Variants in CLASP1 observed in about 807,000 individuals in gnomAD.
CLASP1 encodes cytoplasmic linker associated protein 1.
Under a neutral mutation model 192.3 loss-of-function variants are expected in CLASP1, and 38 were observed. The ratio of observed to expected loss-of-function variants is 0.20; its 90% CI spans 0.15 to 0.26. CLASP1 has a LOEUF of 0.26. Ranked by LOEUF, CLASP1 falls within the 10% of genes least tolerant of loss-of-function variation. The probability of loss-of-function intolerance (pLI) is 1.00; values close to 1 mark genes in which losing one functional copy is unlikely to be tolerated. For missense variants in CLASP1, 1,433 were observed against 1,932.5 expected, an observed-to-expected ratio of 0.74 and a Z score of 4.85; for synonymous variants, 691 against 712.8, an observed-to-expected ratio of 0.97 and a Z score of 0.49.
intron 17 of CLASP1, among the ~76,000 whole-genome samples, chr2:121,448,660 C>G (rs2084840491): frequency 6.6e-6 from 1 of 152,202 alleles, no homozygotes; most frequent in Non-Finnish European, 1.5e-5. Flanking sequence ...TGAGAAGACT[C>G]TGAAGCACTG....
intron 19 of CLASP1, among the ~76,000 whole-genome samples, chr2:121,430,424 C>T (rs754788754): frequency 1.7e-4 from 26 of 152,264 alleles, no homozygotes; most frequent in Non-Finnish European, 3.2e-4. Flanking sequence ...GAGCCATGGA[C>T]CTGCAGCTGT....
At chr2:121,413,500 C>T (rs2078066259) in intron 23 of CLASP1, among the ~76,000 whole-genome samples, 1 of 152,044 alleles carries the variant, frequency 6.6e-6, no homozygotes, top group South Asian at 2.1e-4. Context: ...TACTTTTTGC[C>T]ACTGTGGCTA....
intron 34 of CLASP1, among the ~76,000 whole-genome samples, chr2:121,371,615 C>T (rs986537124): frequency 1.3e-5 from 2 of 152,078 alleles, no homozygotes; most frequent in Non-Finnish European, 2.9e-5. Context: ...TTCCCCCATT[C>T]CTCACAACAA....
intron 33 of CLASP1, among the ~76,000 whole-genome samples, chr2:121,379,262 CAA>C (rs2071046856): frequency 6.8e-6 from 1 of 146,980 alleles, no homozygotes; most frequent in Non-Finnish European, 1.5e-5. Flanking sequence ...GAGCATCAAA[CAA>C]AAAGAAATGT....
chr2:121,628,070 A>G (rs2068719238), intron 1 of CLASP1, among the ~76,000 whole-genome samples: 1 of 152,178 alleles, frequency 6.6e-6, no homozygotes, highest in Admixed American at 6.5e-5. Context: ...ACCTAACAAA[A>G]ATTTGCTATA....
chr2:121,372,752 C>T (rs1457262021), intron 34 of CLASP1, among the ~76,000 whole-genome samples: 1 of 152,150 alleles, frequency 6.6e-6, no homozygotes, highest in Non-Finnish European at 1.5e-5. Context: ...ATGCCACTTC[C>T]CTGCTTAAAG....
intron 24 of CLASP1, among the ~76,000 whole-genome samples, chr2:121,409,502 T>C (rs1344168092): frequency 3.3e-5 from 5 of 152,190 alleles, no homozygotes; most frequent in Admixed American, 3.3e-4. Flanking sequence ...TAATGGGAGC[T>C]AGAGCTCAGA....
At chr2:121,399,300 A>G (rs533770054) in intron 28 of CLASP1, among the ~76,000 whole-genome samples, 1 of 152,336 alleles carries the variant, frequency 6.6e-6, no homozygotes, top group Admixed American at 6.5e-5. Flanking sequence ...ATAAAAAGTA[A>G]ACTTGATCCA....
chr2:121,640,664 G>A (rs776913682), intron 1 of CLASP1, among the ~76,000 whole-genome samples: 1 of 149,734 alleles, frequency 6.7e-6, no homozygotes, highest in Non-Finnish European at 1.5e-5. Flanking sequence ...CCTTCATGAA[G>A]GAAGAACAAC....
intron 2 of CLASP1, chr2:121,530,862 C>T: frequency 1.5e-6 from 1 of 677,906 alleles, no homozygotes; most frequent in Non-Finnish European, 2.7e-6. Flanking sequence ...TGCTTGCAGC[C>T]CAGGGACTTT....
intron 2 of CLASP1, among the ~76,000 whole-genome samples, chr2:121,539,056 G>C (rs2095167605): frequency 6.6e-6 from 1 of 152,078 alleles, no homozygotes; most frequent in Non-Finnish European, 1.5e-5. Context: ...CTATAGGCTG[G>C]AATACTCAGT....
chr2:121,543,897 A>G (rs914757117), intron 2 of CLASP1, among the ~76,000 whole-genome samples: 3 of 152,226 alleles, frequency 2.0e-5, no homozygotes, highest in African/African-American at 7.2e-5. Context: ...GTGAACGTCT[A>G]TCTTACAAAG....
exon 22 of CLASP1, chr2:121,425,143 T>C (rs2080174107): frequency 6.2e-7 from 1 of 1,610,984 alleles, no homozygotes; most frequent in Non-Finnish European, 8.5e-7. Context: ...CCTTACCTAA[T>C]CCTATTCGGT....
chr2:121,518,993 G>A (rs544233091), intron 6 of CLASP1, among the ~76,000 whole-genome samples: 2 of 152,332 alleles, frequency 1.3e-5, no homozygotes, highest in East Asian at 3.9e-4. Context: ...CATCTGCTCA[G>A]AGCAAATCTC....
chr2:121,593,869 G>A (rs2062754340), intron 2 of CLASP1, among the ~76,000 whole-genome samples: 1 of 151,386 alleles, frequency 6.6e-6, no homozygotes, highest in South Asian at 2.1e-4. Flanking sequence ...AATTAGCCAG[G>A]GTGGTGGTGC....
intron 8 of CLASP1, among the ~76,000 whole-genome samples, chr2:121,475,786 C>T (rs539178774): frequency 4.6e-5 from 7 of 152,198 alleles, no homozygotes; most frequent in Admixed American, 2.6e-4. Context: ...CTCTTTAAGC[C>T]CACAGAAATA....
intron 39 of CLASP1, among the ~76,000 whole-genome samples, chr2:121,345,767 A>C (rs977583862): frequency 6.6e-6 from 1 of 152,178 alleles, no homozygotes; most frequent in Non-Finnish European, 1.5e-5. Context: ...AAAAGAGGAC[A>C]GTGTCTCCTC....
At chr2:121,362,072 C>T (rs575887985) in intron 37 of CLASP1, among the ~76,000 whole-genome samples, 158 of 152,280 alleles carry the variant, frequency 1.0e-3, no homozygotes, top group Non-Finnish European at 1.8e-3. Context: ...TCTATGTAGA[C>T]GGAAGAATTG....
intron 23 of CLASP1, among the ~76,000 whole-genome samples, chr2:121,416,724 T>C (rs2078649796): frequency 6.6e-6 from 1 of 152,146 alleles, no homozygotes; most frequent in South Asian, 2.1e-4. Flanking sequence ...GACACTGAAT[T>C]ATCCAAACTA....
Sources: allele counts gnomAD v4.1 joint callset (sites outside exome capture counted in the v4.1 genomes callset), GRCh38; gene constraint gnomAD v4.1.1; transcripts MANE v1.5; gene names NCBI Gene and HGNC (gene_info 2026-07-23, HGNC 2026-07-21).